The following PDGFC variants were observed in gnomAD, a reference collection of about 807,000 sequenced individuals.
The protein encoded by PDGFC is platelet derived growth factor C, also known as platelet-derived growth factor C.
Under a neutral mutation model 35.5 loss-of-function variants are expected in PDGFC, and 12 were observed. That is an observed-to-expected ratio of 0.34 (90% CI 0.22 to 0.55). The LOEUF (loss-of-function observed/expected upper bound fraction) is 0.55, where lower values mean the gene tolerates loss of function less well. PDGFC is among the 20% of genes least tolerant of loss of function. The pLI is 0.91. For missense variants in PDGFC, 322 were observed against 412.4 expected, an observed-to-expected ratio of 0.78 and a Z score of 1.90; for synonymous variants, 159 against 148.8, an observed-to-expected ratio of 1.07 and a Z score of -0.50.
At chr4:156,862,775 A>G (rs1579062625) in intron 1 of PDGFC, among the ~76,000 whole-genome samples, 1 of 151,278 alleles carries the variant, frequency 6.6e-6, no homozygotes, top group Admixed American at 6.6e-5. Flanking sequence ...GCTCACTGCA[A>G]CCTCTGCTGC....
intron 1 of PDGFC, among the ~76,000 whole-genome samples, chr4:156,870,758 G>C (rs1729962504): frequency 6.6e-6 from 1 of 152,072 alleles, no homozygotes; most frequent in Non-Finnish European, 1.5e-5. Context: ...TTTCCTAAAA[G>C]TAACTAAGTG....
chr4:156,958,043 A>G (rs1259523839), intron 1 of PDGFC, among the ~76,000 whole-genome samples: 3 of 152,018 alleles, frequency 2.0e-5, no homozygotes, highest in Non-Finnish European at 2.9e-5. Flanking sequence ...TAATGGCTCA[A>G]CTAAATAATC....
rs146196924 is a variant in PDGFC, at chr4:156,835,328, T to G, written c.314+14893A>C. On this transcript the variant is annotated intron_variant, in intron 2 of 5. Transcript: ENST00000502773. ...AAAAGGGAACTCCTATTCAATATTG[T>G]TGGGAATGTCAATTAGTTCAGCCAA... 1.7e-4 allele frequency among the ~76,000 whole-genome samples: 26 copies of G among 152,272 alleles called. No individual in the cohort carries two copies. In the East Asian group the frequency reaches 2.9e-3, roughly 17 times the overall value.
At chr4:156,767,098 T>C (rs932068011) in intron 5 of PDGFC, among the ~76,000 whole-genome samples, 1 of 152,062 alleles carries the variant, frequency 6.6e-6, no homozygotes. Flanking sequence ...TGATGCTGTA[T>C]GATGCTGCTG....
intron 3 of PDGFC, among the ~76,000 whole-genome samples, chr4:156,776,913 T>C (rs1730843289): frequency 6.6e-6 from 1 of 152,144 alleles, no homozygotes; most frequent in Admixed American, 6.6e-5. Flanking sequence ...TCTTGCCAGC[T>C]TTTACATGTA....
rs1003471841 is a variant in PDGFC at position 156,956,546 on chromosome 4, G to T, written c.118+14240C>A. Among the ~76,000 whole-genome samples the T allele has an allele frequency of 7.2e-5, 11 of 152,082 alleles. No individual in the cohort carries two copies. In the East Asian group the frequency reaches 1.9e-3, roughly 27 times the overall value. ...TAACCTCCTGCAAATGATCGATTGT[G>T]GGTGACACGGCATTGGAAAAGCCTG... On this transcript the variant is annotated intron_variant, in intron 1 of 5. Transcript: ENST00000502773.
chr4:156,855,887 T>G (rs953286892), intron 1 of PDGFC, among the ~76,000 whole-genome samples: 1 of 152,136 alleles, frequency 6.6e-6, no homozygotes, highest in African/African-American at 2.4e-5. Context: ...GCTGGTGTGT[T>G]TTTGCCTAGG....
intron 1 of PDGFC, among the ~76,000 whole-genome samples, chr4:156,925,896 A>G (rs1474343128): frequency 6.6e-6 from 1 of 151,688 alleles, no homozygotes; most frequent in Non-Finnish European, 1.5e-5. Flanking sequence ...ACAAAAAAAT[A>G]TAAAAATTAG....
intron 2 of PDGFC, among the ~76,000 whole-genome samples, chr4:156,825,818 C>A (rs1353858270): frequency 2.0e-5 from 3 of 151,282 alleles, no homozygotes; most frequent in Non-Finnish European, 4.4e-5. Context: ...ACAGTGTTGC[C>A]TAAACATATC....
chr4:156,775,285 C>CTATA (rs1405923677), intron 3 of PDGFC, among the ~76,000 whole-genome samples: 1 of 151,772 alleles, frequency 6.6e-6, no homozygotes, highest in Non-Finnish European at 1.5e-5. Context: ...AAATATAAGC[C>CTATA]TATATATGTA....
rs554098462 is a variant in PDGFC, at chr4:156,898,120, C to T, written c.119-47704G>A. ...AACAATTAGGTCATGAAGGTGGAGGCCTCATGAAGGCAATTAATGTCTGAA... is the reference window on the plus strand; with the variant it reads ...AACAATTAGGTCATGAAGGTGGAGGTCTCATGAAGGCAATTAATGTCTGAA... On this transcript the variant is annotated intron_variant, in intron 1 of 5. Coordinates refer to ENST00000502773, the MANE Select transcript of PDGFC (RefSeq NM_016205.3). Among the ~76,000 whole-genome samples the T allele has an allele frequency of 3.9e-5, 6 of 152,148 alleles. No individual in the cohort carries two copies. The South Asian group carries it at 1.2e-3, about 32-fold the overall frequency.
At chr4:156,826,000 C>T (rs1429752034) in intron 2 of PDGFC, among the ~76,000 whole-genome samples, 1 of 151,592 alleles carries the variant, frequency 6.6e-6, no homozygotes, top group East Asian at 1.9e-4. Flanking sequence ...TCCCAAGTAG[C>T]TGGGACTACA....
chr4:156,854,344 G>T (rs1729523737), intron 1 of PDGFC, among the ~76,000 whole-genome samples: 1 of 152,038 alleles, frequency 6.6e-6, no homozygotes, highest in Non-Finnish European at 1.5e-5. Flanking sequence ...CAGTCATAAA[G>T]CGCATGGCTA....
intron 3 of PDGFC, among the ~76,000 whole-genome samples, chr4:156,786,686 C>T (rs1340032802): frequency 1.3e-5 from 2 of 152,124 alleles, no homozygotes; most frequent in Non-Finnish European, 2.9e-5. Context: ...TGCCCAGTTA[C>T]ATTTGAATTT....
At chr4:156,792,138 C>T (rs923140291) in intron 3 of PDGFC, among the ~76,000 whole-genome samples, 3 of 152,158 alleles carry the variant, frequency 2.0e-5, no homozygotes, top group African/African-American at 4.8e-5. Flanking sequence ...GACCAGTGAA[C>T]TGAAATTCTT....
At chr4:156,963,703 C>T (rs1207519037) in intron 1 of PDGFC, among the ~76,000 whole-genome samples, 3 of 151,914 alleles carry the variant, frequency 2.0e-5, no homozygotes, top group Non-Finnish European at 2.9e-5. Flanking sequence ...TGAATTCTAA[C>T]GAGAAATCTG....
chr4:156,768,209 T>A (rs1730592863), intron 4 of PDGFC, among the ~76,000 whole-genome samples: 1 of 151,416 alleles, frequency 6.6e-6, no homozygotes, highest in Non-Finnish European at 1.5e-5. Flanking sequence ...TAGCGACCAG[T>A]AAAGAGATGC....
In PDGFC at chr4:156,811,001, C is replaced by T. The variant is rs568689484; in HGVS notation, c.331G>A (p.Val111Ile). 11 of 1,577,128 alleles carry T rather than the reference C, an allele frequency of 7.0e-6. No homozygotes were observed. In the African/African-American group the frequency reaches 1.5e-4, roughly 22 times the overall value. Residue 111 changes from valine to isoleucine, a missense_variant, in exon 3 of 6, where the codon GTT becomes ATT. Val to Ile is a conservative substitution (Grantham distance 29, BLOSUM62 3). This residue lies in a region of PDGFC where 202 missense variants were observed against 295.9 expected (regional missense o/e 0.68). Transcript: ENST00000502773. ...ATAGTTCCATCACTGGGTTCCTCAA[C>T]TTCTACAAAATCATACCTGCAAAAA... The part of the protein sequence containing the change: ...DDICKYDFVE[V>I]EEPSDGTILG...
rs368580231 is a variant in PDGFC at position 156,819,605 on chromosome 4, A to G, written c.315-8588T>C. 3.1e-4 allele frequency among the ~76,000 whole-genome samples: 47 copies of G among 152,296 alleles called. No individual in the cohort carries two copies. In the East Asian group the frequency reaches 8.7e-3, roughly 28 times the overall value. On this transcript the variant is annotated intron_variant, in intron 2 of 5. Coordinates refer to ENST00000502773, the MANE Select transcript of PDGFC (RefSeq NM_016205.3). The stretch of plus-strand genomic sequence containing the variant: ...AGATTCTTTCAAAATATTACTGCTC[A>G]TTTGCAATCCACCTGGTCACCCAAG...
Sources: allele counts gnomAD v4.1 joint callset (sites outside exome capture counted in the v4.1 genomes callset), GRCh38; gene constraint gnomAD v4.1.1; regional missense constraint gnomAD v4.1.1; transcripts MANE v1.5; gene names NCBI Gene and HGNC (gene_info 2026-07-23, HGNC 2026-07-21).